Variants in DYRK1A observed in about 807,000 individuals in gnomAD.
DYRK1A encodes the protein dual specificity tyrosine-phosphorylation-regulated kinase 1A.
DYRK1A carries 9 observed loss-of-function variants against 79.7 expected under a neutral mutation model. The observed-to-expected ratio is 0.11, with a 90% CI of 0.07 to 0.20. The LOEUF (loss-of-function observed/expected upper bound fraction) is 0.20. DYRK1A is among the 10% of genes least tolerant of loss of function. The pLI is 1.00. For synonymous variants in DYRK1A, 349 were observed against 329.7 expected (o/e 1.06, Z -0.63); for missense variants, 622 against 956.0 (o/e 0.65, Z 4.61).
At chr21:37,425,152 C>T (rs1436562093) in intron 2 of DYRK1A, among the ~76,000 whole-genome samples, 1 of 152,048 alleles carries the variant, frequency 6.6e-6, no homozygotes, top group Non-Finnish European at 1.5e-5. Flanking sequence ...AGTTTTATGT[C>T]CAGCTAGTCC....
At chr21:37,429,775 C>CT (rs1320724207) in intron 2 of DYRK1A, among the ~76,000 whole-genome samples, 8 of 152,204 alleles carry the variant, frequency 5.3e-5, no homozygotes, top group African/African-American at 1.9e-4. Context: ...AATTTACATG[C>CT]TTATGTTAAT....
At chr21:37,418,976 A>G (rs1299758253) in intron 1 of DYRK1A, 2 of 152,180 alleles carry the variant, frequency 1.3e-5, no homozygotes, top group African/African-American at 2.4e-5. Context: ...TTGGAGTACA[A>G]AGTTGGAGCT....
rs2148674613 is a variant in DYRK1A at position 37,520,294 on chromosome 21, G to A, written c.*7763G>A. On this transcript the variant is annotated 3_prime_UTR_variant, in exon 12 of 12. Coordinates refer to ENST00000647188, the MANE Select transcript of DYRK1A (RefSeq NM_001347721.2). ...CAGAGGTTTGATGTAGATAGGAAGAGATGAGGGTGACAGAAATCAGCTCTT... is the reference window on the plus strand; with the variant it reads ...CAGAGGTTTGATGTAGATAGGAAGAAATGAGGGTGACAGAAATCAGCTCTT... 1 of 149,726 alleles carries A rather than the reference G, an allele frequency of 6.7e-6. No individual in the cohort carries two copies. Among genetic ancestry groups the A allele is most frequent in the Non-Finnish European group, 1.5e-5 (1 of 67,866 alleles). The allele number at this position is 149,726 out of a possible 1,614,324, so 9.3% of individuals were successfully genotyped here.
chr21:37,467,075 A>G (rs1020116404), intron 2 of DYRK1A, among the ~76,000 whole-genome samples: 1 of 149,760 alleles, frequency 6.7e-6, no homozygotes, highest in Non-Finnish European at 1.5e-5. Flanking sequence ...AGAGCTACCC[A>G]CTAGTTTTGA....
chr21:37,469,223 T>C (rs1224063368), intron 2 of DYRK1A, among the ~76,000 whole-genome samples: 1 of 152,076 alleles, frequency 6.6e-6, no homozygotes, highest in East Asian at 1.9e-4. Flanking sequence ...GATAAATTGA[T>C]TGGAACAAAA....
In DYRK1A at chr21:37,425,425, TTAA is replaced by T. The variant is rs572694001; in HGVS notation, c.10+5046_10+5048del. 3.5e-3 allele frequency among the ~76,000 whole-genome samples: 528 copies of T among 152,344 alleles called. 3 individuals are homozygous for T. Among genetic ancestry groups the T allele is most frequent in the Non-Finnish European group, 5.4e-3 (367 of 68,028 alleles). ...TATTTATGTTTCTAAGTGGAAGCAATTAATAATGATTACATTATGTATGTGTCA... is the reference window on the plus strand; with the variant it reads ...TATTTATGTTTCTAAGTGGAAGCAATTAATGATTACATTATGTATGTGTCA... On this transcript the variant is annotated intron_variant, in intron 2 of 11. Coordinates refer to ENST00000647188, the MANE Select transcript of DYRK1A (RefSeq NM_001347721.2).
In DYRK1A at chr21:37,515,610, A is replaced by G. The variant is rs898719893; in HGVS notation, c.*3079A>G. 3.9e-5 allele frequency: 6 copies of G among 152,184 alleles called. No individual in the cohort carries two copies. Among genetic ancestry groups the G allele is most frequent in the Admixed American group, 1.3e-4 (2 of 15,284 alleles). 9.4% of individuals were successfully genotyped at this position (152,184 alleles called of 1,614,324 possible). On this transcript the variant is annotated 3_prime_UTR_variant, in exon 12 of 12. Transcript: ENST00000647188. The stretch of plus-strand genomic sequence containing the variant: ...CTAGAATTCTTGCCACTGTGATTCA[A>G]TTGCTAACCTAAAGTCTTCTCTTTT...
At chr21:37,417,335 G>T (rs2050362690) in intron 1 of DYRK1A, among the ~76,000 whole-genome samples, 1 of 151,348 alleles carries the variant, frequency 6.6e-6, no homozygotes, top group Non-Finnish European at 1.5e-5. Flanking sequence ...GGATTACAGG[G>T]ATGCGCCACC....
intron 2 of DYRK1A, among the ~76,000 whole-genome samples, chr21:37,429,387 A>G (rs949661939): frequency 6.6e-6 from 1 of 152,210 alleles, no homozygotes; most frequent in African/African-American, 2.4e-5. Flanking sequence ...TTATGAAGAA[A>G]AGAGTTTTAA....
At position 37,515,874 on chromosome 21, in the gene DYRK1A, A is replaced by T. The variant is rs2053875482; in HGVS notation, c.*3343A>T. ...TTTTTATTTAAAACTACATGTAAAAAATCATGAAAGATTCAGTAATTATGT... is the reference window on the plus strand; with the variant it reads ...TTTTTATTTAAAACTACATGTAAAATATCATGAAAGATTCAGTAATTATGT... On this transcript the variant is annotated 3_prime_UTR_variant, in exon 12 of 12. Coordinates refer to ENST00000647188, the MANE Select transcript of DYRK1A (RefSeq NM_001347721.2). 6.6e-6 allele frequency: 1 copy of T among 152,116 alleles called. No individual in the cohort carries two copies. Among genetic ancestry groups the T allele is most frequent in the Non-Finnish European group, 1.5e-5 (1 of 68,024 alleles). 9.4% of individuals were successfully genotyped at this position (152,116 alleles called of 1,614,324 possible). A position where few individuals can be genotyped will look rare whatever the true frequency, so the allele number is the denominator to read the frequency against.
intron 2 of DYRK1A, among the ~76,000 whole-genome samples, chr21:37,458,679 T>C (rs569324525): frequency 9.7e-4 from 148 of 152,342 alleles, no homozygotes; most frequent in African/African-American, 2.6e-3. Context: ...AATGTCTGTC[T>C]TCTGTAGAGC....
chr21:37,489,237 A>G (rs979808642), intron 6 of DYRK1A, among the ~76,000 whole-genome samples: 3 of 152,130 alleles, frequency 2.0e-5, no homozygotes, highest in African/African-American at 7.2e-5. Flanking sequence ...AATGAAAATC[A>G]CCTTGACAGA....
intron 2 of DYRK1A, among the ~76,000 whole-genome samples, chr21:37,458,268 CTGTGTGTG>C (rs3138683): frequency 7.7e-4 from 100 of 130,584 alleles, no homozygotes; most frequent in Middle Eastern, 7.9e-3. Context: ...GGGTAATTTA[CTGTGTGTG>C]TGTGTGTGTG....
At chr21:37,461,767 T>C (rs2051845943) in intron 2 of DYRK1A, among the ~76,000 whole-genome samples, 1 of 152,188 alleles carries the variant, frequency 6.6e-6, no homozygotes, top group African/African-American at 2.4e-5. Flanking sequence ...ACAGGTGTTT[T>C]TGTCTCTGGC....
At chr21:37,491,120 A>G (rs2053078520) in intron 7 of DYRK1A, among the ~76,000 whole-genome samples, 1 of 152,158 alleles carries the variant, frequency 6.6e-6, no homozygotes. Flanking sequence ...TCTTATTTAA[A>G]ATTTACATAA....
At chr21:37,453,632 GAA>G (rs2051533680) in intron 2 of DYRK1A, among the ~76,000 whole-genome samples, 1 of 152,172 alleles carries the variant, frequency 6.6e-6, no homozygotes, top group African/African-American at 2.4e-5. Flanking sequence ...TTACTTCCCT[GAA>G]GGATAATCTT....
intron 2 of DYRK1A, among the ~76,000 whole-genome samples, chr21:37,463,173 ATGTG>A (rs539137261): frequency 6.1e-5 from 8 of 131,270 alleles, no homozygotes; most frequent in Middle Eastern, 3.5e-3. Context: ...TTGTGTGTGC[ATGTG>A]TGTGTGTGTG....
At chr21:37,476,471 T>C (rs1332767261) in intron 3 of DYRK1A, among the ~76,000 whole-genome samples, 1 of 152,232 alleles carries the variant, frequency 6.6e-6, no homozygotes, top group Non-Finnish European at 1.5e-5. Context: ...ATTCAGATTT[T>C]GTGAAACCTC....
chr21:37,458,709 A>G (rs1298595809), intron 2 of DYRK1A, among the ~76,000 whole-genome samples: 1 of 152,122 alleles, frequency 6.6e-6, no homozygotes, highest in Non-Finnish European at 1.5e-5. Context: ...TTTCAAAGGT[A>G]TTTCTCGTTT....
Sources: allele counts gnomAD v4.1 joint callset (sites outside exome capture counted in the v4.1 genomes callset), GRCh38; gene constraint gnomAD v4.1.1; transcripts MANE v1.5; gene names NCBI Gene and HGNC (gene_info 2026-07-23, HGNC 2026-07-21).